The following TET1 variants were observed in gnomAD, a reference collection of about 807,000 sequenced individuals.
TET1 encodes methylcytosine dioxygenase TET1.
A neutral mutation model predicts 148.7 loss-of-function variants in TET1; 13 were observed. That is an observed-to-expected ratio of 0.09 (90% CI 0.06 to 0.14). TET1 has a LOEUF of 0.14. TET1 is among the 10% of genes least tolerant of loss of function. TET1 has a pLI of 1.00. For synonymous variants in TET1, 907 were observed against 937.2 expected (o/e 0.97, Z 0.59); for missense variants, 2,182 against 2,553.8 (o/e 0.85, Z 3.14).
chr10:68,659,802 T>C (rs2055079562), intron 6 of TET1, among the ~76,000 whole-genome samples: 1 of 152,170 alleles, frequency 6.6e-6, no homozygotes, highest in South Asian at 2.1e-4. Flanking sequence ...CCAGTGAAAT[T>C]GTACAAAGTG....
At chr10:68,598,648 C>A (rs4237319) in intron 2 of TET1, among the ~76,000 whole-genome samples, 147,964 of 151,782 alleles carry the variant, frequency 0.97, 72,232 homozygotes, top group East Asian at 1. Context: ...ACAAGTGTTG[C>A]AGGAAGAGTT....
intron 1 of TET1, among the ~76,000 whole-genome samples, chr10:68,569,166 C>CTTTTTGTTTTTTTTTTTTTTTTTTT (rs2053639319): frequency 1.4e-5 from 1 of 69,766 alleles, no homozygotes; most frequent in Non-Finnish European, 2.6e-5. Flanking sequence ...AGGAGAGTTT[C>CTTTTTGTTTTTTTTTTTTTTTTTTT]TTTTTTTTTT....
chr10:68,669,315 C>T (rs1449217448), intron 7 of TET1, among the ~76,000 whole-genome samples: 3 of 150,834 alleles, frequency 2.0e-5, no homozygotes, highest in Non-Finnish European at 3.0e-5. Context: ...TCTTTTTTTT[C>T]CTTTTTTCTT....
intron 4 of TET1, among the ~76,000 whole-genome samples, chr10:68,651,545 T>G (rs1167191745): frequency 2.0e-5 from 3 of 150,122 alleles, no homozygotes; most frequent in Non-Finnish European, 4.5e-5. Flanking sequence ...ACACCTCAAT[T>G]AATACAGATT....
chr10:68,647,020 G>T lies in TET1; in HGVS notation c.4276+15G>T. 1 of 1,585,094 alleles carries T rather than the reference G, an allele frequency of 6.3e-7. No homozygotes were observed. Among genetic ancestry groups the T allele is most frequent in the African/African-American group, 1.4e-5 (1 of 73,776 alleles). The stretch of plus-strand genomic sequence containing the variant: ...CAGCTGTCTTGGTGAGTACTTGTGT[G>T]CATGTGTTCTTATTTCACCTGCACA... On this transcript the variant is annotated intron_variant, in intron 4 of 11. Coordinates refer to ENST00000373644, the MANE Select transcript of TET1 (RefSeq NM_030625.3).
chr10:68,575,533 T>C (rs918713502), intron 2 of TET1, among the ~76,000 whole-genome samples: 40 of 149,502 alleles, frequency 2.7e-4, no homozygotes, highest in Admixed American at 2.5e-3. Flanking sequence ...TGAAACCCCA[T>C]CTCTACTAAA....
At chr10:68,653,385 A>C (rs183332467) in intron 6 of TET1, among the ~76,000 whole-genome samples, 2 of 152,272 alleles carry the variant, frequency 1.3e-5, no homozygotes, top group Non-Finnish European at 2.9e-5. Context: ...TAGATTTTAT[A>C]ATGTTTCCAT....
Position 68,573,505 on chromosome 10 carries a change from G to A in TET1, c.1167G>A (p.Leu389=), listed in dbSNP as rs2133688851. Residue 389 remains leucine (L), a synonymous_variant, in exon 2 of 12, where the codon CTG becomes CTA. Coordinates refer to ENST00000373644, the MANE Select transcript of TET1 (RefSeq NM_030625.3). ...PGADPVHGEA[L]GETPDLPEIP... ...CTGACCCAGTTCATGGTGAGGCCCT[G>A]GGTGAGACCCCAGATCTACCAGAGA... 6.2e-7 allele frequency: 1 copy of A among 1,614,138 alleles called. No homozygotes were observed. Among genetic ancestry groups the A allele is most frequent in the East Asian group, 2.2e-5 (1 of 44,880 alleles).
At chr10:68,624,645 T>TTTCTTTCC in intron 3 of TET1, among the ~76,000 whole-genome samples, 1 of 52,434 alleles carries the variant, frequency 1.9e-5, no homozygotes, top group African/African-American at 1.2e-4. Flanking sequence ...TCTTTCTTTC[T>TTTCTTTCC]TTCTTTCTTT....
Position 68,645,928 on chromosome 10 carries a change from G to C in TET1, c.3199G>C (p.Asp1067His), listed in dbSNP as rs1433415202. The change falls in exon 4 of 12, where the codon GAT becomes CAT. Residue 1067 changes from aspartate (D) to histidine (H), a missense_variant. Physicochemically the swap from Asp to His is moderately conservative, Grantham distance 81. Coordinates refer to ENST00000373644, the MANE Select transcript of TET1 (RefSeq NM_030625.3). ...GGACTCAGATGATCTATCATGTCAG[G>C]ATGCAACCCATACCCAAATTGAGGA... The part of the protein sequence containing the change: ...KLDSDDLSCQ[D>H]ATHTQIEEDV... The C allele has an allele frequency of 6.2e-7, 1 of 1,613,898 alleles. No homozygotes were observed. The highest frequency in any genetic ancestry group is 2.2e-5 in the East Asian group (1 of 44,862).
chr10:68,614,055 A>G (rs2054255724), intron 3 of TET1, among the ~76,000 whole-genome samples: 1 of 152,218 alleles, frequency 6.6e-6, no homozygotes, highest in Admixed American at 6.5e-5. Flanking sequence ...TCCACCCATG[A>G]AATCTGGTTT....
intron 3 of TET1, among the ~76,000 whole-genome samples, chr10:68,609,133 G>A (rs2054169971): frequency 6.6e-6 from 1 of 152,004 alleles, no homozygotes; most frequent in Non-Finnish European, 1.5e-5. Context: ...GAGTACCTAG[G>A]TTGACAAGTG....
At chr10:68,643,130 A>T (rs1192266176) in intron 3 of TET1, among the ~76,000 whole-genome samples, 1 of 151,656 alleles carries the variant, frequency 6.6e-6, no homozygotes, top group East Asian at 1.9e-4. Flanking sequence ...GCATGGTGGT[A>T]TGTGCCTGTG....
At chr10:68,588,354 A>AT (rs1335197879) in intron 2 of TET1, among the ~76,000 whole-genome samples, 1 of 152,196 alleles carries the variant, frequency 6.6e-6, no homozygotes, top group Non-Finnish European at 1.5e-5. Flanking sequence ...ACAATCTTAC[A>AT]ACAATCGTAT....
chr10:68,655,152 A>G (rs2055003581), intron 6 of TET1, among the ~76,000 whole-genome samples: 1 of 152,200 alleles, frequency 6.6e-6, no homozygotes, highest in African/African-American at 2.4e-5. Flanking sequence ...GCAACATAGC[A>G]AGACCCCACA....
At chr10:68,597,182 T>A (rs1463332709) in intron 2 of TET1, among the ~76,000 whole-genome samples, 1 of 151,782 alleles carries the variant, frequency 6.6e-6, no homozygotes, top group Non-Finnish European at 1.5e-5. Flanking sequence ...TATAGGTGCA[T>A]GCCACCACTC....
At chr10:68,571,851 G>C (rs2053673907) in intron 1 of TET1, among the ~76,000 whole-genome samples, 1 of 152,190 alleles carries the variant, frequency 6.6e-6, no homozygotes. Flanking sequence ...CGGGCACGCT[G>C]GTTCACACCT....
chr10:68,654,774 C>G (rs1361824887), intron 6 of TET1, among the ~76,000 whole-genome samples: 1 of 152,176 alleles, frequency 6.6e-6, no homozygotes, highest in Non-Finnish European at 1.5e-5. Context: ...CAGGTATTAT[C>G]TCCTGCAGTT....
intron 2 of TET1, among the ~76,000 whole-genome samples, chr10:68,581,405 T>G (rs574143799): frequency 2.2e-4 from 34 of 152,302 alleles, no homozygotes; most frequent in African/African-American, 8.2e-4. Context: ...TTGAAACATA[T>G]GCACTACCCT....
Sources: gnomAD v4.1 joint callset for allele counts (sites outside exome capture counted in the v4.1 genomes callset) on GRCh38, gnomAD v4.1.1 for gene constraint, MANE v1.5 for transcripts, NCBI Gene and HGNC (gene_info 2026-07-23, HGNC 2026-07-21) for gene names.